Variants in ADAMTS3 observed in about 807,000 individuals in gnomAD.
The protein encoded by ADAMTS3 is A disintegrin and metalloproteinase with thrombospondin motifs 3.
A neutral mutation model predicts 129.0 loss-of-function variants in ADAMTS3; 73 were observed. The observed-to-expected ratio is 0.57, with a 90% CI of 0.47 to 0.69. ADAMTS3 has a LOEUF of 0.69. ADAMTS3 is among the 30% of genes least tolerant of loss of function. ADAMTS3 has a pLI of 0.00. For synonymous variants in ADAMTS3, 477 were observed against 510.8 expected, an observed-to-expected ratio of 0.93 and a Z score of 0.89; for missense variants, 1,457 against 1,514.5, an observed-to-expected ratio of 0.96 and a Z score of 0.63.
intron 3 of ADAMTS3, among the ~76,000 whole-genome samples, chr4:72,425,479 C>T (rs1291585662): frequency 1.3e-5 from 2 of 152,052 alleles, no homozygotes; most frequent in African/African-American, 4.8e-5. Flanking sequence ...TGCTATCCCT[C>T]CCCCTTCCCC....
intron 5 of ADAMTS3, 66 bp from the exon 6 acceptor site, chr4:72,323,163 T>C (rs1719605072): frequency 8.1e-7 from 1 of 1,237,286 alleles, no homozygotes. Context: ...GATGTACATA[T>C]AAGCTGTGTA....
At chr4:72,512,081 A>T (rs1273042443) in intron 3 of ADAMTS3, among the ~76,000 whole-genome samples, 1 of 152,154 alleles carries the variant, frequency 6.6e-6, no homozygotes, top group African/African-American at 2.4e-5. Context: ...GAACTCATAG[A>T]TGTAGAGAGT....
chr4:72,421,419 A>T (rs1263188019), intron 3 of ADAMTS3, among the ~76,000 whole-genome samples: 1 of 152,218 alleles, frequency 6.6e-6, no homozygotes. Context: ...AAGTAGGTGC[A>T]TAACACTTGA....
chr4:72,457,714 G>T (rs1718662227), intron 3 of ADAMTS3, among the ~76,000 whole-genome samples: 1 of 151,662 alleles, frequency 6.6e-6, no homozygotes, highest in Non-Finnish European at 1.5e-5. Flanking sequence ...AAGGTAGAAA[G>T]ATTCCACAGC....
chr4:72,476,347 A>AAT (rs1719232571), intron 3 of ADAMTS3, among the ~76,000 whole-genome samples: 1 of 152,134 alleles, frequency 6.6e-6, no homozygotes, highest in African/African-American at 2.4e-5. Flanking sequence ...AAATTCCATC[A>AAT]ATATAAATTT....
chr4:72,342,340 T>C (rs557176466), intron 4 of ADAMTS3, among the ~76,000 whole-genome samples: 7 of 150,430 alleles, frequency 4.7e-5, no homozygotes, highest in African/African-American at 1.2e-4. Flanking sequence ...GGTCACAAGA[T>C]TGGAAATTTC....
At chr4:72,524,785 CAAATA>C (rs923889768) in intron 3 of ADAMTS3, among the ~76,000 whole-genome samples, 1 of 152,030 alleles carries the variant, frequency 6.6e-6, no homozygotes, top group African/African-American at 2.4e-5. Context: ...GCAGCCAGCT[CAAATA>C]AAATACTGAA....
At chr4:72,503,114 C>A (rs1002104632) in intron 3 of ADAMTS3, among the ~76,000 whole-genome samples, 3 of 152,106 alleles carry the variant, frequency 2.0e-5, no homozygotes, top group African/African-American at 4.8e-5. Flanking sequence ...ACCTTTCCCT[C>A]CCAGGTTCAA....
intron 10 of ADAMTS3, among the ~76,000 whole-genome samples, chr4:72,316,291 C>A (rs1355340440): frequency 2.0e-5 from 3 of 152,134 alleles, no homozygotes; most frequent in Non-Finnish European, 4.4e-5. Context: ...TAGTAATTAT[C>A]ATGAATATTG....
chr4:72,288,630 G>A (rs1050212587), intron 21 of ADAMTS3, 121 bp downstream of exon 21: 4 of 687,312 alleles, frequency 5.8e-6, no homozygotes, highest in Non-Finnish European at 1.0e-5. Flanking sequence ...TTTCACAGGT[G>A]TTTTCCTTTG....
Position 72,567,395 on chromosome 4 carries a change from T to C in ADAMTS3, c.76A>G (p.Asn26Asp), listed in dbSNP as rs1722043351. The C allele has an allele frequency of 1.9e-6, 3 of 1,585,500 alleles. No individual in the cohort carries two copies. Among genetic ancestry groups the C allele is most frequent in the Non-Finnish European group, 2.6e-6 (3 of 1,165,152 alleles). Residue 26 changes from asparagine to aspartate, a missense_variant, in exon 2 of 22, where the codon AAT becomes GAT. Transcript: ENST00000286657. ...VRTSADGQAG[N>D]EEMVQIDLPI... is the part of the protein sequence containing the mutation. ...TTACCTATTTGCACCATTTCTTCAT[T>C]ACCAGCCTGGAAAGGAGGGGGAAAG...
At chr4:72,287,643 A>G (rs1264476431) in intron 21 of ADAMTS3, among the ~76,000 whole-genome samples, 1 of 152,110 alleles carries the variant, frequency 6.6e-6, no homozygotes, top group Non-Finnish European at 1.5e-5. Context: ...TCGAAAAAGC[A>G]TGTGTGGCTG....
chr4:72,514,189 T>C (rs541537459), intron 3 of ADAMTS3, among the ~76,000 whole-genome samples: 2 of 152,138 alleles, frequency 1.3e-5, no homozygotes, highest in Non-Finnish European at 2.9e-5. Context: ...TGGGCACTGA[T>C]GGGTCCCCTT....
Position 72,283,616 on chromosome 4 carries a change from A to G in ADAMTS3, c.3138T>C (p.Cys1046=), listed in dbSNP as rs756443563. 1.7e-5 allele frequency: 27 copies of G among 1,613,928 alleles called. No individual in the cohort carries two copies. The highest frequency in any genetic ancestry group is 3.3e-5 in the Admixed American group (2 of 59,996). Residue 1046 remains cysteine (C), a synonymous_variant, in exon 22 of 22, where the codon TGT becomes TGC. Transcript: ENST00000286657. ...YCSIPGYNKL[C]CESCSKRSST... is the part of the protein sequence containing the mutation. ...TACTGCGCTTGCTGCAGGACTCACA[A>G]CATAACTTGTTATAACCTGGTATGG...
chr4:72,368,377 G>GTAAAACAA (rs1432886370), intron 4 of ADAMTS3, among the ~76,000 whole-genome samples: 1 of 152,084 alleles, frequency 6.6e-6, no homozygotes, highest in Non-Finnish European at 1.5e-5. Flanking sequence ...GCTACTGGAG[G>GTAAAACAA]TAAAACAATG....
At chr4:72,351,275 T>C (rs548347626) in intron 4 of ADAMTS3, among the ~76,000 whole-genome samples, 1 of 152,074 alleles carries the variant, frequency 6.6e-6, no homozygotes, top group South Asian at 2.1e-4. Flanking sequence ...GCTGAGAACA[T>C]ATGGTAGTTT....
intron 3 of ADAMTS3, among the ~76,000 whole-genome samples, chr4:72,502,969 A>G (rs761368231): frequency 1.3e-5 from 2 of 151,736 alleles, no homozygotes; most frequent in Non-Finnish European, 2.9e-5. Flanking sequence ...TGTATCCTAG[A>G]TATTTTTGGT....
intron 3 of ADAMTS3, among the ~76,000 whole-genome samples, chr4:72,418,848 G>A (rs1478483210): frequency 6.6e-6 from 1 of 152,182 alleles, no homozygotes; most frequent in East Asian, 1.9e-4. Flanking sequence ...TAAGGCCCAC[G>A]TCATCTGCGC....
intron 3 of ADAMTS3, among the ~76,000 whole-genome samples, chr4:72,436,400 T>C (rs924387054): frequency 1.3e-5 from 2 of 152,152 alleles, no homozygotes; most frequent in African/African-American, 4.8e-5. Flanking sequence ...ACTTTTACAC[T>C]GTTGGTGGGA....
Sources: allele counts gnomAD v4.1 joint callset (sites outside exome capture counted in the v4.1 genomes callset), GRCh38; gene constraint gnomAD v4.1.1; transcripts MANE v1.5; gene names NCBI Gene and HGNC (gene_info 2026-07-23, HGNC 2026-07-21).